The following GUCY1A1 variants were observed in gnomAD, a reference collection of about 807,000 sequenced individuals.
The protein encoded by GUCY1A1 is guanylate cyclase 1 soluble subunit alpha 1.
Under a neutral mutation model 64.5 loss-of-function variants are expected in GUCY1A1, and 48 were observed. That is an observed-to-expected ratio of 0.74 (90% confidence interval 0.59 to 0.95). GUCY1A1 has a LOEUF of 0.95. GUCY1A1 is among the 40% of genes least tolerant of loss of function. The pLI is 0.00. For missense variants in GUCY1A1, 804 were observed against 825.3 expected, an observed-to-expected ratio of 0.97 and a Z score of 0.32; for synonymous variants, 308 against 303.4, an observed-to-expected ratio of 1.02 and a Z score of -0.16.
At position 155,710,854 on chromosome 4, in the gene GUCY1A1, A is replaced by G; in HGVS notation, c.689A>G (p.Glu230Gly). ...GCTGCTCACGTATTATATGAAACGG[A>G]AGTGGAAGTGTCGTTAATGCCTCCC... is the stretch of plus-strand genomic sequence containing the variant. Reference protein sequence around the residue: ...KAAAHVLYETEVEVSLMPPCF... With the variant: ...KAAAHVLYETGVEVSLMPPCF... Residue 230 changes from glutamate to glycine, a missense_variant, in exon 6 of 10, where the codon GAA (glutamate) becomes GGA (glycine). Physicochemically the swap from Glu to Gly is moderately conservative, Grantham distance 98. Coordinates refer to ENST00000506455, the MANE Select transcript of GUCY1A1 (RefSeq NM_001130682.3). The G allele has an allele frequency of 6.2e-7, 1 of 1,614,106 alleles. No homozygotes were observed. Among genetic ancestry groups the G allele is most frequent in the Non-Finnish European group, 8.5e-7 (1 of 1,179,954 alleles).
chr4:155,706,315 T>G (rs1352205973), intron 4 of GUCY1A1, among the ~76,000 whole-genome samples: 3 of 152,224 alleles, frequency 2.0e-5, no homozygotes, highest in African/African-American at 7.2e-5. Flanking sequence ...TTTTTAGTTT[T>G]GGGGTATCCT....
chr4:155,719,889 T>G (rs925884324), intron 8 of GUCY1A1, among the ~76,000 whole-genome samples: 2 of 152,172 alleles, frequency 1.3e-5, no homozygotes, highest in Admixed American at 6.5e-5. Flanking sequence ...CATTCAAACT[T>G]TTCCCGGGAG....
intron 3 of GUCY1A1, among the ~76,000 whole-genome samples, chr4:155,698,029 G>A (rs188173656): frequency 2.8e-4 from 43 of 152,202 alleles, no homozygotes; most frequent in Non-Finnish European, 4.9e-4. Context: ...ACCCTCTACT[G>A]TGTGCAAAGC....
In GUCY1A1 at chr4:155,730,074, G is replaced by A. The variant is rs764715234; in HGVS notation, c.1916G>A (p.Arg639Lys). ...GGTTTCGTGTTTACCCCTCGATCAA[G>A]GGAGGAACTTCCACCAAACTTCCCT... ...CPGFVFTPRS[R>K]EELPPNFPSE... The change falls in exon 10 of 10, where the codon AGG (arginine) becomes AAG (lysine). Residue 639 changes from arginine to lysine, a missense_variant. Transcript: ENST00000506455. The A allele has an allele frequency of 4.3e-6, 7 of 1,610,656 alleles. No individual in the cohort carries two copies. Among genetic ancestry groups the A allele is most frequent in the Non-Finnish European group, 5.9e-6 (7 of 1,177,440 alleles).
intron 2 of GUCY1A1, among the ~76,000 whole-genome samples, chr4:155,693,062 CA>C (rs1002321716): frequency 8.1e-4 from 114 of 140,784 alleles, no homozygotes; most frequent in African/African-American, 1.1e-3. Flanking sequence ...CTGTCTCCAA[CA>C]AAAAAAAAAA....
At chr4:155,693,771 C>A (rs1235673516) in intron 2 of GUCY1A1, among the ~76,000 whole-genome samples, 1 of 152,012 alleles carries the variant, frequency 6.6e-6, no homozygotes, top group African/African-American at 2.4e-5. Context: ...TAGTACCGTG[C>A]AGTACAGGAA....
rs1730490053 is a variant in GUCY1A1, at chr4:155,696,937, C to G, written c.70C>G (p.Gln24Glu). 1 of 1,612,820 alleles carries G rather than the reference C, an allele frequency of 6.2e-7. No individual in the cohort carries two copies. Among genetic ancestry groups the G allele is most frequent in the South Asian group, 1.1e-5 (1 of 91,052 alleles). The change falls in exon 3 of 10, where the codon CAA (glutamine) becomes GAA (glutamate). Residue 24 changes from glutamine (Q) to glutamate (E), a missense_variant. Transcript: ENST00000506455. ...ECPFSLLAPGQVPNESSEEAA... is the reference protein window; with the variant it reads ...ECPFSLLAPGEVPNESSEEAA... Reference sequence around the variant, plus strand: ...TCCTTTCTCCTTACTGGCACCAGGTCAAGTTCCTAACGAGTCTTCAGAGGA... The same window carrying G: ...TCCTTTCTCCTTACTGGCACCAGGTGAAGTTCCTAACGAGTCTTCAGAGGA...
intron 2 of GUCY1A1, among the ~76,000 whole-genome samples, chr4:155,681,001 C>A (rs1179770226): frequency 1.3e-5 from 2 of 151,756 alleles, no homozygotes; most frequent in Non-Finnish European, 2.9e-5. Flanking sequence ...AAACCTGCAA[C>A]CTTTTGGCCT....
chr4:155,667,985 G>C (rs1704001004), intron 2 of GUCY1A1: 1 of 152,314 alleles, frequency 6.6e-6, no homozygotes, highest in African/African-American at 2.4e-5. Flanking sequence ...GGGCTGCCCA[G>C]AGAAGGCAGC....
chr4:155,667,027 C>G (rs1205664069), intron 1 of GUCY1A1, 62 bp downstream of exon 1: 1 of 152,382 alleles, frequency 6.6e-6, no homozygotes, highest in Non-Finnish European at 1.5e-5. Context: ...AGGAGGCGGG[C>G]AGAGGTCTGA....
chr4:155,701,221 A>C (rs992689793), intron 3 of GUCY1A1, among the ~76,000 whole-genome samples: 36 of 152,230 alleles, frequency 2.4e-4, no homozygotes, highest in African/African-American at 8.2e-4. Flanking sequence ...CAATGGTATA[A>C]GATGAATGTC....
chr4:155,729,880 G>T (rs1255964025), intron 9 of GUCY1A1, 150 bp from the exon 10 acceptor site: 3 of 571,630 alleles, frequency 5.2e-6, no homozygotes, highest in Non-Finnish European at 9.4e-6. Context: ...CTTCTGGGAA[G>T]ATGTCTGTTA....
chr4:155,688,827 A>G (rs1336049605), intron 2 of GUCY1A1, among the ~76,000 whole-genome samples: 1 of 152,090 alleles, frequency 6.6e-6, no homozygotes, highest in Non-Finnish European at 1.5e-5. Context: ...CAAAATATAA[A>G]AGTTTAGTTA....
chr4:155,718,683 T>C (rs1044900757), intron 8 of GUCY1A1, among the ~76,000 whole-genome samples: 1 of 152,142 alleles, frequency 6.6e-6, no homozygotes, highest in Non-Finnish European at 1.5e-5. Context: ...TAGCGTTACA[T>C]GTGATGCCCT....
chr4:155,730,366 C>T lies in GUCY1A1; in HGVS notation c.*135C>T. 1 of 539,354 alleles carries T rather than the reference C, an allele frequency of 1.9e-6. No individual in the cohort carries two copies. Among genetic ancestry groups the T allele is most frequent in the Non-Finnish European group, 3.2e-6 (1 of 311,036 alleles). 33.4% of individuals were successfully genotyped at this position (539,354 alleles called of 1,614,324 possible). On this transcript the variant is annotated 3_prime_UTR_variant, in exon 10 of 10. Coordinates refer to ENST00000506455, the MANE Select transcript of GUCY1A1 (RefSeq NM_001130682.3). ...TCAGGAGCCAAGTCACAATCTTTCT[C>T]CTGTTTAACATGACAAAATGTATGT...
intron 9 of GUCY1A1, 123 bp from the exon 10 acceptor site, chr4:155,729,907 T>C: frequency 1.6e-6 from 1 of 617,262 alleles, no homozygotes; most frequent in Non-Finnish European, 2.9e-6. Context: ...TTAGACTTTT[T>C]CTGTCACTCA....
chr4:155,704,897 A>AT (rs1280245777), intron 4 of GUCY1A1, among the ~76,000 whole-genome samples: 1 of 151,892 alleles, frequency 6.6e-6, no homozygotes, highest in Non-Finnish European at 1.5e-5. Flanking sequence ...ATTTATTTTT[A>AT]TTTTTTTGAG....
chr4:155,711,286 G>A (rs1732544183), intron 6 of GUCY1A1, 35 bp downstream of exon 6: 1 of 1,102,404 alleles, frequency 9.1e-7, no homozygotes, highest in African/African-American at 1.6e-5. Context: ...GAATATGAAA[G>A]CTATTTCATA....
rs567258052 is a variant in GUCY1A1, at chr4:155,692,256, C to G, written c.-112-4500C>G. Reference sequence around the variant, plus strand: ...TGTGAATAGTGTTCCAACAAACATACGTGTGCATGTGTCTTTATAATAGAA... The same window carrying G: ...TGTGAATAGTGTTCCAACAAACATAGGTGTGCATGTGTCTTTATAATAGAA... On this transcript the variant is annotated intron_variant, in intron 2 of 9. Coordinates refer to ENST00000506455, the MANE Select transcript of GUCY1A1 (RefSeq NM_001130682.3). 2.0e-5 allele frequency among the ~76,000 whole-genome samples: 3 copies of G among 152,138 alleles called. No individual in the cohort carries two copies. In the East Asian group the frequency reaches 5.8e-4, roughly 29 times the overall value.
Sources: allele counts gnomAD v4.1 joint callset (sites outside exome capture counted in the v4.1 genomes callset), GRCh38; gene constraint gnomAD v4.1.1; transcripts MANE v1.5; gene names NCBI Gene and HGNC (gene_info 2026-07-23, HGNC 2026-07-21).